The following TXNDC16 variants were observed in gnomAD, a reference collection of about 807,000 sequenced individuals.
The protein encoded by TXNDC16 is thioredoxin domain containing 16.
TXNDC16 carries 74 observed loss-of-function variants against 85.6 expected under a neutral mutation model. The ratio of observed to expected loss-of-function variants is 0.86; its 90% confidence interval spans 0.72 to 1.05. The LOEUF (loss-of-function observed/expected upper bound fraction) is 1.05. Among genes scored for constraint, TXNDC16 ranks in the 50% least tolerant of loss-of-function variants. TXNDC16 has a pLI of 0.00. For missense variants in TXNDC16, 959 were observed against 947.0 expected, an observed-to-expected ratio of 1.01 and a Z score of -0.17; for synonymous variants, 335 against 326.5, an observed-to-expected ratio of 1.03 and a Z score of -0.28.
chr14:52,472,209 A>G (rs887550552), intron 14 of TXNDC16, among the ~76,000 whole-genome samples: 1 of 146,954 alleles, frequency 6.8e-6, no homozygotes, highest in Non-Finnish European at 1.5e-5. Context: ...TTGCTTTTGT[A>G]TATTTGAGAT....
chr14:52,477,508 C>T lies in TXNDC16; in HGVS notation c.1312+4722G>A, dbSNP rs181421113. Among the ~76,000 whole-genome samples the T allele has an allele frequency of 2.7e-3, 410 of 152,084 alleles. 5 individuals are homozygous for T. Among genetic ancestry groups the T allele is most frequent in the Non-Finnish European group, 2.8e-3 (191 of 67,946 alleles). On this transcript the variant is annotated intron_variant, in intron 14 of 20. Transcript: ENST00000281741. ...ATTCCATGCAAATGGACACCAAAAG[C>T]GAGCAGGGGTAGCTATTCTTGTATC... is the stretch of plus-strand genomic sequence containing the variant.
intron 6 of TXNDC16, among the ~76,000 whole-genome samples, chr14:52,523,005 T>C (rs78056790): frequency 0.086 from 13,130 of 152,232 alleles, 628 homozygotes; most frequent in East Asian, 0.14. Context: ...ACTAATGACA[T>C]TCATAATGTA....
chr14:52,546,229 C>A (rs574192301), intron 1 of TXNDC16, among the ~76,000 whole-genome samples: 1 of 152,116 alleles, frequency 6.6e-6, no homozygotes, highest in African/African-American at 2.4e-5. Flanking sequence ...GAGCCATGAT[C>A]ATGCCACTGC....
At chr14:52,436,054 T>G (rs577918141) in intron 20 of TXNDC16, among the ~76,000 whole-genome samples, 5 of 152,210 alleles carry the variant, frequency 3.3e-5, no homozygotes, top group Admixed American at 6.5e-5. Flanking sequence ...TTTTAAAATC[T>G]ACTACAAAGC....
intron 6 of TXNDC16, 67 bp from the exon 7 acceptor site, chr14:52,519,360 T>TA: frequency 8.1e-7 from 1 of 1,228,734 alleles, no homozygotes; most frequent in Non-Finnish European, 1.1e-6. Context: ...ACACTTCTGT[T>TA]AAAGAACCTA....
At chr14:52,496,102 G>A (rs908274040) in intron 9 of TXNDC16, among the ~76,000 whole-genome samples, 5 of 151,684 alleles carry the variant, frequency 3.3e-5, no homozygotes, top group Non-Finnish European at 7.4e-5. Context: ...GGAGCTTGCA[G>A]TGAGCCGAGA....
intron 6 of TXNDC16, among the ~76,000 whole-genome samples, chr14:52,522,323 T>C (rs973301491): frequency 3.3e-5 from 5 of 152,194 alleles, no homozygotes; most frequent in Non-Finnish European, 5.9e-5. Context: ...ACTTTATAAA[T>C]AGTGGCAATT....
At chr14:52,519,125 A>T in intron 7 of TXNDC16, 47 bp downstream of exon 7, 1 of 1,564,606 alleles carries the variant, frequency 6.4e-7, no homozygotes, top group East Asian at 2.3e-5. Context: ...TTCAACATAC[A>T]TAAGTACAGA....
chr14:52,552,119 CCGTT>C (rs2038066781), intron 1 of TXNDC16, among the ~76,000 whole-genome samples, 193 bp downstream of exon 1: 1 of 152,192 alleles, frequency 6.6e-6, no homozygotes, highest in African/African-American at 2.4e-5. Flanking sequence ...GTGTTTCCCG[CCGTT>C]CATGCAGCGA....
At chr14:52,527,146 C>T (rs1473793230) in intron 6 of TXNDC16, among the ~76,000 whole-genome samples, 1 of 152,162 alleles carries the variant, frequency 6.6e-6, no homozygotes, top group Non-Finnish European at 1.5e-5. Flanking sequence ...AACAGCCAAG[C>T]CCAACGAGGG....
chr14:52,521,363 C>T (rs1008924755), intron 6 of TXNDC16, among the ~76,000 whole-genome samples: 4 of 151,590 alleles, frequency 2.6e-5, no homozygotes, highest in South Asian at 2.1e-4. Context: ...CCTCATGATC[C>T]GCCCACCTCG....
chr14:52,495,925 T>C (rs1206766298), intron 9 of TXNDC16, among the ~76,000 whole-genome samples: 1 of 151,982 alleles, frequency 6.6e-6, no homozygotes, highest in Non-Finnish European at 1.5e-5. Context: ...TTTGGGAGGC[T>C]GAGGCAGGCG....
intron 18 of TXNDC16, among the ~76,000 whole-genome samples, chr14:52,441,032 A>G (rs2035153036): frequency 6.6e-6 from 1 of 152,212 alleles, no homozygotes; most frequent in Non-Finnish European, 1.5e-5. Flanking sequence ...AGTCTGGACC[A>G]GACTAACCAA....
Position 52,506,807 on chromosome 14 carries a change from C to T in TXNDC16, c.756+4433G>A, listed in dbSNP as rs1389421920. Among the ~76,000 whole-genome samples, 15 of 147,306 alleles carry T rather than the reference C, an allele frequency of 1.0e-4. 1 individual carries two copies. Among genetic ancestry groups the T allele is most frequent in the Admixed American group, 9.6e-4 (14 of 14,530 alleles). ...TCCTGACCTCATGATCCACCCGCCT[C>T]GGCCTCCCAAAGTGCTGGGATTACA... On this transcript the variant is annotated intron_variant, in intron 9 of 20. Transcript: ENST00000281741.
chr14:52,435,230 T>A (rs1166176633), intron 20 of TXNDC16, among the ~76,000 whole-genome samples: 2 of 151,856 alleles, frequency 1.3e-5, no homozygotes, highest in Non-Finnish European at 2.9e-5. Flanking sequence ...GGAGCTCAGG[T>A]TTCTATGTTT....
intron 16 of TXNDC16, among the ~76,000 whole-genome samples, chr14:52,459,670 C>G (rs368548474): frequency 6.6e-6 from 1 of 152,136 alleles, no homozygotes; most frequent in Non-Finnish European, 1.5e-5. Context: ...AAATCCTCAA[C>G]AAAGTATGCA....
chr14:52,524,267 T>C (rs4898761), intron 6 of TXNDC16, among the ~76,000 whole-genome samples: 2 of 152,196 alleles, frequency 1.3e-5, no homozygotes, highest in African/African-American at 2.4e-5. Context: ...GAATAAAATA[T>C]TAGTGGAAAC....
intron 9 of TXNDC16, among the ~76,000 whole-genome samples, chr14:52,499,696 TG>T (rs2036613498): frequency 6.6e-6 from 1 of 151,898 alleles, no homozygotes; most frequent in Non-Finnish European, 1.5e-5. Context: ...TTGGTGAGAC[TG>T]TAAAATGGTG....
intron 14 of TXNDC16, among the ~76,000 whole-genome samples, chr14:52,471,587 A>G (rs772883697): frequency 1.3e-5 from 2 of 152,116 alleles, no homozygotes; most frequent in Non-Finnish European, 2.9e-5. Context: ...ATTATATACT[A>G]TTCATTATCT....
Sources: gnomAD v4.1 joint callset for allele counts (sites outside exome capture counted in the v4.1 genomes callset) on GRCh38, gnomAD v4.1.1 for gene constraint, MANE v1.5 for transcripts, NCBI Gene and HGNC (gene_info 2026-07-23, HGNC 2026-07-21) for gene names.